Variants in P3H2 observed in about 807,000 individuals in gnomAD.
The protein encoded by P3H2 is leprecan-like 1.
A neutral mutation model predicts 87.0 loss-of-function variants in P3H2; 80 were observed. The ratio of observed to expected loss-of-function variants is 0.92; its 90% CI spans 0.77 to 1.11. The LOEUF is 1.11. P3H2 is among the 50% of genes least tolerant of loss of function. P3H2 has a pLI of 0.00. For synonymous variants in P3H2, 367 were observed against 359.3 expected, an observed-to-expected ratio of 1.02 and a Z score of -0.24; for missense variants, 1,001 against 923.9, an observed-to-expected ratio of 1.08 and a Z score of -1.08.
intron 1 of P3H2, among the ~76,000 whole-genome samples, chr3:190,036,250 T>G (rs965382081): frequency 6.6e-6 from 1 of 152,194 alleles, no homozygotes; most frequent in African/African-American, 2.4e-5. Context: ...AATTTCTGAT[T>G]TGAGAATTTT....
chr3:190,102,577 G>T (rs1469542650), intron 1 of P3H2, among the ~76,000 whole-genome samples: 1 of 152,204 alleles, frequency 6.6e-6, no homozygotes, highest in East Asian at 1.9e-4. Flanking sequence ...AACTCGAACA[G>T]ATAAAAAGTT....
rs183096432 is a variant in P3H2, at chr3:190,000,741, G to T, written c.481-5299C>A. 7.5e-4 allele frequency among the ~76,000 whole-genome samples: 115 copies of T among 152,344 alleles called. 1 individual carries two copies. The highest frequency in any genetic ancestry group is 2.6e-3 in the African/African-American group (108 of 41,580). On this transcript the variant is annotated intron_variant, in intron 1 of 14. Coordinates refer to ENST00000319332, the MANE Select transcript of P3H2 (RefSeq NM_018192.4). ...CTTGATGTGTTTTCAAAGCAGAGCA[G>T]AGATCAAGGAGGGAGATTTTAGAAG... is the stretch of plus-strand genomic sequence containing the variant.
chr3:189,996,044 GT>G (rs1724043501), intron 1 of P3H2, among the ~76,000 whole-genome samples: 1 of 152,164 alleles, frequency 6.6e-6, no homozygotes, highest in Admixed American at 6.5e-5. Flanking sequence ...ATGAAAAACA[GT>G]ATGGAGTTTC....
intron 1 of P3H2, among the ~76,000 whole-genome samples, chr3:190,092,811 C>T (rs992650813): frequency 6.6e-6 from 1 of 152,182 alleles, no homozygotes; most frequent in African/African-American, 2.4e-5. Context: ...TAATATCCTT[C>T]CTTCCTATTC....
Position 190,095,954 on chromosome 3 carries a change from T to C in P3H2, c.480+24298A>G, listed in dbSNP as rs545607159. Among the ~76,000 whole-genome samples, 6 of 148,682 alleles carry C rather than the reference T, an allele frequency of 4.0e-5. No homozygotes were observed. The South Asian group carries it at 1.3e-3, about 32-fold the overall frequency. On this transcript the variant is annotated intron_variant, in intron 1 of 14. Coordinates refer to ENST00000319332, the MANE Select transcript of P3H2 (RefSeq NM_018192.4). ...ACGACTCAAGTGAAAGGCAAGTAAA[T>C]ACAGCATAAAAGGCAACAACAACAA...
intron 1 of P3H2, among the ~76,000 whole-genome samples, chr3:190,045,322 G>A (rs954900018): frequency 9.9e-5 from 15 of 152,142 alleles, no homozygotes; most frequent in Admixed American, 3.3e-4. Flanking sequence ...TATAAGCTTC[G>A]TGGCAGCTAA....
intron 1 of P3H2, among the ~76,000 whole-genome samples, chr3:190,066,203 T>G (rs917058711): frequency 6.8e-6 from 1 of 146,568 alleles, no homozygotes; most frequent in African/African-American, 2.6e-5. Flanking sequence ...ATATATATGA[T>G]GGAATATGGA....
chr3:190,051,324 T>C (rs528449030), intron 1 of P3H2, among the ~76,000 whole-genome samples: 47 of 150,680 alleles, frequency 3.1e-4, no homozygotes, highest in African/African-American at 1.1e-3. Flanking sequence ...CTATAAAAAA[T>C]GGAAATAGGA....
At chr3:189,980,646 A>T (rs774918086) in intron 8 of P3H2, among the ~76,000 whole-genome samples, 20 of 152,212 alleles carry the variant, frequency 1.3e-4, no homozygotes, top group Non-Finnish European at 2.8e-4. Context: ...TTAGATCCTA[A>T]TTAGGTATCT....
intron 1 of P3H2, among the ~76,000 whole-genome samples, chr3:190,005,015 C>T (rs1277692794): frequency 6.6e-6 from 1 of 151,676 alleles, no homozygotes; most frequent in Non-Finnish European, 1.5e-5. Flanking sequence ...TCACTTGTCA[C>T]AAATCATTTG....
intron 1 of P3H2, among the ~76,000 whole-genome samples, chr3:190,074,995 T>C (rs1726820590): frequency 6.6e-6 from 1 of 152,180 alleles, no homozygotes; most frequent in Non-Finnish European, 1.5e-5. Flanking sequence ...CAATTCTCCC[T>C]GAAGAACATC....
chr3:190,034,500 C>T (rs1191252298), intron 1 of P3H2, among the ~76,000 whole-genome samples: 2 of 152,178 alleles, frequency 1.3e-5, no homozygotes, highest in African/African-American at 2.4e-5. Context: ...TGATTTTGGT[C>T]ACCCATAAAA....
chr3:190,044,506 C>T (rs1215581422), intron 1 of P3H2, among the ~76,000 whole-genome samples: 5 of 152,158 alleles, frequency 3.3e-5, no homozygotes, highest in Admixed American at 3.3e-4. Context: ...TAAGAATTCT[C>T]GACATTGATA....
chr3:189,994,049 T>G, intron 3 of P3H2, 45 bp downstream of exon 3: 1 of 1,460,744 alleles, frequency 6.8e-7, no homozygotes, highest in Non-Finnish European at 9.5e-7. Flanking sequence ...GCAAGTAGTA[T>G]TTTTATAATC....
In P3H2 at chr3:190,022,147, C is replaced by T. The variant is rs1724942874; in HGVS notation, c.481-26705G>A. 1.5e-5 allele frequency among the ~76,000 whole-genome samples: 2 copies of T among 135,062 alleles called. 1 individual carries two copies. The highest frequency in any genetic ancestry group is 5.2e-4 in the South Asian group (2 of 3,868). 88.6% of individuals were successfully genotyped at this position (135,062 alleles called of 152,430 possible). On this transcript the variant is annotated intron_variant, in intron 1 of 14. Coordinates refer to ENST00000319332, the MANE Select transcript of P3H2 (RefSeq NM_018192.4). ...CCCAATAACTGAGAAACAAATTTTA[C>T]CATTGATTTATTTTTCTTATAGTAA...
chr3:190,113,948 C>T (rs1173592602), intron 1 of P3H2, among the ~76,000 whole-genome samples: 3 of 150,106 alleles, frequency 2.0e-5, no homozygotes, highest in African/African-American at 7.4e-5. Context: ...GGCGTGGAGG[C>T]GGGCGCCTGT....
Position 189,989,054 on chromosome 3 carries a change from C to T in P3H2, c.824-16G>A. The T allele has an allele frequency of 6.2e-7, 1 of 1,613,984 alleles. No homozygotes were observed. The highest frequency in any genetic ancestry group is 8.5e-7 in the Non-Finnish European group (1 of 1,179,974). ...ATGTAGTGATCTGGAAGACAAGAGC[C>T]AATACGTGTGTTCCTCCAGGTTGCT... On this transcript the variant is annotated splice_polypyrimidine_tract_variant and intron_variant, in intron 3 of 14. Coordinates refer to ENST00000319332, the MANE Select transcript of P3H2 (RefSeq NM_018192.4).
chr3:190,100,597 A>G (rs1711591965), intron 1 of P3H2, among the ~76,000 whole-genome samples: 1 of 152,140 alleles, frequency 6.6e-6, no homozygotes, highest in African/African-American at 2.4e-5. Context: ...AACTATTATA[A>G]AGCCCTACAG....
chr3:190,058,241 C>A (rs1211958591), intron 1 of P3H2, among the ~76,000 whole-genome samples: 2 of 152,046 alleles, frequency 1.3e-5, no homozygotes, highest in Admixed American at 1.3e-4. Flanking sequence ...TGTTGAAGTC[C>A]TAGTTCTTTT....
Sources: allele counts gnomAD v4.1 joint callset (sites outside exome capture counted in the v4.1 genomes callset), GRCh38; gene constraint gnomAD v4.1.1; transcripts MANE v1.5; gene names NCBI Gene and HGNC (gene_info 2026-07-23, HGNC 2026-07-21).